The following C8orf34 variants were observed in gnomAD, a reference collection of about 807,000 sequenced individuals.
The protein encoded by C8orf34 is chromosome 8 open reading frame 34.
A neutral mutation model predicts 68.3 loss-of-function variants in C8orf34; 65 were observed. The ratio of observed to expected loss-of-function variants is 0.95; its 90% CI spans 0.78 to 1.17. The LOEUF is 1.17. Ranked by LOEUF, C8orf34 falls within the 50% of genes most tolerant of loss-of-function variation. The probability of loss-of-function intolerance (pLI) is 0.00; values close to 1 mark genes in which losing one functional copy is unlikely to be tolerated. For synonymous variants in C8orf34, 244 were observed against 241.2 expected (o/e 1.01, Z -0.11); for missense variants, 664 against 655.4 (o/e 1.01, Z -0.14).
intron 7 of C8orf34, among the ~76,000 whole-genome samples, chr8:68,538,708 A>G (rs1333976455): frequency 6.6e-6 from 1 of 152,162 alleles, no homozygotes; most frequent in Non-Finnish European, 1.5e-5. Flanking sequence ...AGGTAAAGCT[A>G]TATGTTTTTG....
At chr8:68,342,651 G>A (rs145439237) in intron 1 of C8orf34, among the ~76,000 whole-genome samples, 2 of 152,226 alleles carry the variant, frequency 1.3e-5, no homozygotes, top group African/African-American at 2.4e-5. Context: ...CTCGATTTGG[G>A]TGAGGTGTGA....
chr8:68,577,645 C>T (rs1010623537), intron 7 of C8orf34, among the ~76,000 whole-genome samples: 3 of 151,402 alleles, frequency 2.0e-5, no homozygotes, highest in African/African-American at 7.3e-5. Context: ...CTTTGATTTG[C>T]AATTTCAAAA....
intron 4 of C8orf34, among the ~76,000 whole-genome samples, chr8:68,474,106 A>G (rs894251554): frequency 2.6e-5 from 4 of 152,028 alleles, no homozygotes; most frequent in Non-Finnish European, 2.9e-5. Flanking sequence ...CACCCTCCTC[A>G]TTTATCACCC....
At chr8:68,386,602 A>G (rs1243437298) in intron 1 of C8orf34, among the ~76,000 whole-genome samples, 1 of 152,196 alleles carries the variant, frequency 6.6e-6, no homozygotes, top group East Asian at 1.9e-4. Context: ...TGACATAAGA[A>G]GCTGTCCTTG....
chr8:68,406,439 C>A (rs981656353), intron 1 of C8orf34, among the ~76,000 whole-genome samples: 2 of 151,848 alleles, frequency 1.3e-5, no homozygotes, highest in African/African-American at 4.8e-5. Context: ...GATCAGCTCA[C>A]CCTGGACCGG....
At chr8:68,367,907 G>GAAAAAAAAAAAAAAAAAAAAAA (rs1807360133) in intron 1 of C8orf34, among the ~76,000 whole-genome samples, 3 of 15,032 alleles carry the variant, frequency 2.0e-4, no homozygotes, top group Admixed American at 7.1e-4. Flanking sequence ...AATAAAAAAA[G>GAAAAAAAAAAAAAAAAAAAAAA]AAAAGAAAAA....
chr8:68,709,619 G>A (rs565275999), intron 9 of C8orf34, among the ~76,000 whole-genome samples: 1 of 152,032 alleles, frequency 6.6e-6, no homozygotes, highest in Non-Finnish European at 1.5e-5. Context: ...AGCCTCTTTT[G>A]TATTTGCCCT....
intron 8 of C8orf34, among the ~76,000 whole-genome samples, chr8:68,674,151 A>G (rs1820105729): frequency 6.6e-6 from 1 of 152,052 alleles, no homozygotes; most frequent in Non-Finnish European, 1.5e-5. Context: ...CCCCTCAAAT[A>G]CCTGGAAACC....
intron 7 of C8orf34, among the ~76,000 whole-genome samples, chr8:68,602,647 T>C (rs1280583994): frequency 2.0e-5 from 3 of 151,978 alleles, no homozygotes; most frequent in African/African-American, 4.8e-5. Context: ...CCAAACCATA[T>C]GAGGAAGTAA....
At chr8:68,636,060 A>T (rs538376942) in intron 7 of C8orf34, among the ~76,000 whole-genome samples, 69 of 152,316 alleles carry the variant, frequency 4.5e-4, no homozygotes, top group African/African-American at 1.6e-3. Flanking sequence ...TTTAAAGGGA[A>T]GGCTTTGAAT....
At chr8:68,554,280 A>G (rs148736143) in intron 7 of C8orf34, among the ~76,000 whole-genome samples, 38 of 152,234 alleles carry the variant, frequency 2.5e-4, no homozygotes, top group African/African-American at 9.1e-4. Flanking sequence ...GCCATTTATT[A>G]ATGCATAGGT....
At chr8:68,597,623 G>T (rs1817584538) in intron 7 of C8orf34, among the ~76,000 whole-genome samples, 2 of 151,854 alleles carry the variant, frequency 1.3e-5, no homozygotes, top group Non-Finnish European at 1.5e-5. Context: ...GGAAATTTAA[G>T]TGGGTTATTT....
chr8:68,525,374 G>T (rs763195910), intron 6 of C8orf34: 10 of 302,802 alleles, frequency 3.3e-5, no homozygotes, highest in Admixed American at 2.0e-4. Context: ...AGAACAGAAG[G>T]CTTGAAATAT....
intron 4 of C8orf34, among the ~76,000 whole-genome samples, chr8:68,472,891 C>T (rs202063421): frequency 6.6e-6 from 1 of 152,130 alleles, no homozygotes; most frequent in South Asian, 2.1e-4. Flanking sequence ...CGTTTTGGAA[C>T]TAGCCACATT....
intron 1 of C8orf34, among the ~76,000 whole-genome samples, chr8:68,353,277 C>T (rs886638510): frequency 6.6e-6 from 1 of 151,840 alleles, no homozygotes; most frequent in East Asian, 1.9e-4. Flanking sequence ...CTGCACTCCC[C>T]CACAAGGGAT....
intron 3 of C8orf34, among the ~76,000 whole-genome samples, chr8:68,451,917 G>A (rs1464496878): frequency 6.6e-6 from 1 of 151,984 alleles, no homozygotes; most frequent in African/African-American, 2.4e-5. Context: ...GCATTATAAA[G>A]TGAAATACAG....
intron 7 of C8orf34, chr8:68,534,492 A>G (rs1815379824): frequency 5.0e-6 from 3 of 600,542 alleles, no homozygotes; most frequent in Non-Finnish European, 6.3e-6. Flanking sequence ...TACCTGTGCT[A>G]ACTGCGCTAA....
chr8:68,356,126 A>G (rs1223898007), intron 1 of C8orf34, among the ~76,000 whole-genome samples: 1 of 152,180 alleles, frequency 6.6e-6, no homozygotes, highest in Non-Finnish European at 1.5e-5. Context: ...AAGAGTTGTC[A>G]AATGCGTTTA....
At chr8:68,631,841 A>G (rs1452558266) in intron 7 of C8orf34, among the ~76,000 whole-genome samples, 1 of 152,094 alleles carries the variant, frequency 6.6e-6, no homozygotes, top group Admixed American at 6.6e-5. Context: ...ACCATCTGCC[A>G]TGATTGTAAG....
Sources: gnomAD v4.1 joint callset for allele counts (sites outside exome capture counted in the v4.1 genomes callset) on GRCh38, gnomAD v4.1.1 for gene constraint, MANE v1.5 for transcripts, NCBI Gene and HGNC (gene_info 2026-07-23, HGNC 2026-07-21) for gene names.